Variants in BBS9 observed in about 807,000 individuals in gnomAD.
The protein encoded by BBS9 is protein PTHB1.
BBS9 carries 89 observed loss-of-function variants against 117.7 expected under a neutral mutation model. That is an observed-to-expected ratio of 0.76 (90% CI 0.64 to 0.90). The LOEUF is 0.90. Among genes scored for constraint, BBS9 ranks in the 40% least tolerant of loss-of-function variants. The pLI, the probability that BBS9 is intolerant of heterozygous loss-of-function variation, is 0.00. For synonymous variants in BBS9, 379 were observed against 370.9 expected (o/e 1.02, Z -0.25); for missense variants, 982 against 1,042.2 (o/e 0.94, Z 0.80).
chr7:33,379,197 C>G (rs1232921987), intron 17 of BBS9, among the ~76,000 whole-genome samples: 1 of 152,222 alleles, frequency 6.6e-6, no homozygotes, highest in East Asian at 1.9e-4. Flanking sequence ...TTGCAATGCT[C>G]TTTCCATAGA....
At chr7:33,400,858 T>C (rs1828793621) in intron 19 of BBS9, among the ~76,000 whole-genome samples, 1 of 152,216 alleles carries the variant, frequency 6.6e-6, no homozygotes, top group African/African-American at 2.4e-5. Context: ...TGGAACAATC[T>C]AGCAGTAGGA....
intron 17 of BBS9, chr7:33,380,988 T>C (rs138463798): frequency 1.3e-5 from 2 of 152,116 alleles, no homozygotes; most frequent in Non-Finnish European, 2.9e-5. Context: ...CCTCATGAAA[T>C]GATCTTTCTT....
chr7:33,280,929 T>TTTTTTTTTTTG (rs1801751688), intron 9 of BBS9, among the ~76,000 whole-genome samples: 1 of 147,680 alleles, frequency 6.8e-6, no homozygotes, highest in Non-Finnish European at 1.5e-5. Flanking sequence ...TTTTTTTTTT[T>TTTTTTTTTTTG]TGCATTATAG....
chr7:33,325,074 CT>C (rs1415863354), intron 9 of BBS9, among the ~76,000 whole-genome samples: 1 of 152,224 alleles, frequency 6.6e-6, no homozygotes, highest in African/African-American at 2.4e-5. Flanking sequence ...CTACCTCTAT[CT>C]TTGTCTCTAC....
intron 19 of BBS9, among the ~76,000 whole-genome samples, chr7:33,408,160 C>T (rs1830411600): frequency 1.3e-5 from 2 of 152,230 alleles, no homozygotes; most frequent in Non-Finnish European, 2.9e-5. Flanking sequence ...CCTCCCCCAG[C>T]CTCGCTGCCA....
At chr7:33,468,326 C>T (rs1423071458) in intron 19 of BBS9, among the ~76,000 whole-genome samples, 2 of 152,102 alleles carry the variant, frequency 1.3e-5, no homozygotes, top group African/African-American at 2.4e-5. Flanking sequence ...TGAAGGCTGA[C>T]CCTATTACAC....
intron 9 of BBS9, among the ~76,000 whole-genome samples, chr7:33,290,959 A>T (rs552323436): frequency 1.3e-5 from 2 of 152,306 alleles, no homozygotes; most frequent in South Asian, 4.1e-4. Flanking sequence ...AAAAAGTATT[A>T]GTTATTTATG....
At position 33,567,853 on chromosome 7, in the gene BBS9, A is replaced by G. The variant is rs1857153294; in HGVS notation, c.2521+33677A>G. Among the ~76,000 whole-genome samples the G allele has an allele frequency of 2.0e-5, 3 of 152,258 alleles. No homozygotes were observed. The South Asian group carries it at 6.2e-4, about 32-fold the overall frequency. Reference sequence around the variant, plus strand: ...TTAATATCTCAGGATTAGTACTGGCACCTATAGGTGCTCAAGCTAGATTTA... The same window carrying G: ...TTAATATCTCAGGATTAGTACTGGCGCCTATAGGTGCTCAAGCTAGATTTA... On this transcript the variant is annotated intron_variant, in intron 21 of 22. Coordinates refer to ENST00000242067, the MANE Select transcript of BBS9 (RefSeq NM_198428.3).
At chr7:33,495,051 A>G (rs759017907) in intron 19 of BBS9, among the ~76,000 whole-genome samples, 13 of 152,208 alleles carry the variant, frequency 8.5e-5, no homozygotes, top group Non-Finnish European at 1.5e-4. Context: ...ATACATAAAA[A>G]CTACAAATAC....
intron 19 of BBS9, among the ~76,000 whole-genome samples, chr7:33,458,680 C>G (rs917663092): frequency 6.6e-6 from 1 of 152,110 alleles, no homozygotes; most frequent in Non-Finnish European, 1.5e-5. Context: ...TTGTATGTTC[C>G]TGTTTGTAAA....
At chr7:33,277,201 A>G (rs1429383974) in intron 9 of BBS9, 2 of 154,260 alleles carry the variant, frequency 1.3e-5, no homozygotes, top group African/African-American at 2.4e-5. Context: ...CAGCGCTGAC[A>G]CTTTACAAGG....
chr7:33,512,270 T>C (rs368713453), intron 20 of BBS9, among the ~76,000 whole-genome samples: 5 of 152,222 alleles, frequency 3.3e-5, no homozygotes, highest in Non-Finnish European at 2.9e-5. Context: ...GTTGAAATAC[T>C]GTAGAATATA....
intron 19 of BBS9, among the ~76,000 whole-genome samples, chr7:33,458,338 A>G (rs1838951003): frequency 6.6e-6 from 1 of 152,192 alleles, no homozygotes; most frequent in South Asian, 2.1e-4. Flanking sequence ...AGTTTTCAGA[A>G]CAGCATCCCA....
intron 19 of BBS9, among the ~76,000 whole-genome samples, chr7:33,481,815 G>A (rs1215112200): frequency 6.6e-6 from 1 of 152,100 alleles, no homozygotes; most frequent in Non-Finnish European, 1.5e-5. Flanking sequence ...GATATTTTAA[G>A]GGCAGAATTG....
At chr7:33,384,286 C>T (rs1344889045) in intron 18 of BBS9, among the ~76,000 whole-genome samples, 2 of 152,180 alleles carry the variant, frequency 1.3e-5, no homozygotes, top group Admixed American at 1.3e-4. Flanking sequence ...AAAATATTCC[C>T]CAGTATCTGG....
chr7:33,189,800 C>T (rs1246870792), intron 5 of BBS9, among the ~76,000 whole-genome samples: 3 of 150,504 alleles, frequency 2.0e-5, no homozygotes, highest in Non-Finnish European at 3.0e-5. Flanking sequence ...GCAGGAGAAT[C>T]GCTTGAACCC....
chr7:33,217,849 G>A (rs1409824070), intron 5 of BBS9, among the ~76,000 whole-genome samples: 1 of 152,080 alleles, frequency 6.6e-6, no homozygotes, highest in Non-Finnish European at 1.5e-5. Flanking sequence ...TAAGCTTTTT[G>A]AAATGGACAT....
intron 19 of BBS9, among the ~76,000 whole-genome samples, chr7:33,414,395 A>C (rs1831637802): frequency 6.6e-6 from 1 of 152,194 alleles, no homozygotes; most frequent in Non-Finnish European, 1.5e-5. Flanking sequence ...AGCTTTTTAA[A>C]ATAATTACAT....
intron 5 of BBS9, among the ~76,000 whole-genome samples, chr7:33,178,586 G>A (rs1797666244): frequency 6.6e-6 from 1 of 152,000 alleles, no homozygotes; most frequent in Non-Finnish European, 1.5e-5. Flanking sequence ...GTGTGATTGT[G>A]TGACTCTGTG....
Sources: gnomAD v4.1 joint callset for allele counts (sites outside exome capture counted in the v4.1 genomes callset) on GRCh38, gnomAD v4.1.1 for gene constraint, MANE v1.5 for transcripts, NCBI Gene and HGNC (gene_info 2026-07-23, HGNC 2026-07-21) for gene names.